The following PAPPA2 variants were observed in gnomAD, a reference collection of about 807,000 sequenced individuals.
PAPPA2 encodes the protein pappalysin-2.
PAPPA2 carries 86 observed loss-of-function variants against 176.4 expected under a neutral mutation model. The ratio of observed to expected loss-of-function variants is 0.49; its 90% CI spans 0.41 to 0.58. The LOEUF (loss-of-function observed/expected upper bound fraction) is 0.58. Ranked by LOEUF, PAPPA2 falls within the 20% of genes least tolerant of loss-of-function variation. PAPPA2 has a pLI of 0.00. For missense variants in PAPPA2, 2,073 were observed against 2,256.9 expected (o/e 0.92, Z 1.65); for synonymous variants, 809 against 852.2 (o/e 0.95, Z 0.88).
chr1:176,567,490 A>G (rs943868355), intron 2 of PAPPA2, among the ~76,000 whole-genome samples: 8 of 152,202 alleles, frequency 5.3e-5, no homozygotes, highest in African/African-American at 1.9e-4. Flanking sequence ...TAACTTTCCT[A>G]CAAATAATTG....
intron 17 of PAPPA2, 35 bp from the exon 18 acceptor site, chr1:176,789,774 T>C (rs746080914): frequency 6.3e-7 from 1 of 1,579,930 alleles, no homozygotes; most frequent in Non-Finnish European, 8.6e-7. Context: ...TCTTGAAAGA[T>C]TCTGATGAGC....
intron 14 of PAPPA2, among the ~76,000 whole-genome samples, chr1:176,748,617 C>T (rs1663026366): frequency 1.3e-5 from 2 of 152,056 alleles, no homozygotes; most frequent in African/African-American, 4.8e-5. Flanking sequence ...AATAAAATTA[C>T]AGTCATGTAC....
intron 22 of PAPPA2, 42 bp from the exon 23 acceptor site, chr1:176,842,338 T>G: frequency 6.5e-7 from 1 of 1,537,874 alleles, no homozygotes; most frequent in Non-Finnish European, 9.0e-7. Flanking sequence ...TGTGAAGCTA[T>G]CACAGAAATG....
Position 176,493,701 on chromosome 1 carries a change from G to C in PAPPA2, c.-917+30283G>C, listed in dbSNP as rs1309327519. On this transcript the variant is annotated intron_variant, in intron 1 of 22. Coordinates refer to ENST00000367662, the MANE Select transcript of PAPPA2 (RefSeq NM_020318.3). Reference sequence around the variant, plus strand: ...CCACAAAACCCAGTCTTCTTCTGGAGAGAAGAAAGTGAGAAGTGACAAGTG... The same window carrying C: ...CCACAAAACCCAGTCTTCTTCTGGACAGAAGAAAGTGAGAAGTGACAAGTG... Among the ~76,000 whole-genome samples the C allele has an allele frequency of 3.9e-5, 6 of 152,286 alleles. No individual in the cohort carries two copies. The South Asian group carries it at 1.0e-3, about 26-fold the overall frequency.
intron 4 of PAPPA2, among the ~76,000 whole-genome samples, chr1:176,676,938 G>A (rs1234285267): frequency 6.6e-6 from 1 of 152,010 alleles, no homozygotes; most frequent in Non-Finnish European, 1.5e-5. Flanking sequence ...GACTTATAAT[G>A]GAATTGCAAA....
intron 3 of PAPPA2, among the ~76,000 whole-genome samples, chr1:176,660,155 G>A (rs752867785): frequency 1.2e-4 from 18 of 152,046 alleles, no homozygotes; most frequent in Non-Finnish European, 2.6e-4. Context: ...CACTGATCCA[G>A]GACAGATCTA....
At chr1:176,534,420 A>G (rs16849943) in intron 1 of PAPPA2, among the ~76,000 whole-genome samples, 82 of 152,332 alleles carry the variant, frequency 5.4e-4, no homozygotes, top group Non-Finnish European at 8.7e-4. Flanking sequence ...TCAGCAAGAC[A>G]GTGGTTAAAA....
intron 21 of PAPPA2, among the ~76,000 whole-genome samples, chr1:176,820,604 G>A (rs561115251): frequency 6.6e-6 from 1 of 152,250 alleles, no homozygotes; most frequent in African/African-American, 2.4e-5. Context: ...CACATGTCAT[G>A]CATGGCATTT....
chr1:176,800,514 T>A (rs1330990517), intron 21 of PAPPA2, among the ~76,000 whole-genome samples: 1 of 152,208 alleles, frequency 6.6e-6, no homozygotes, highest in African/African-American at 2.4e-5. Flanking sequence ...AATTTTCTTT[T>A]TGGTTGCCAA....
intron 3 of PAPPA2, among the ~76,000 whole-genome samples, chr1:176,640,497 C>T (rs1311966642): frequency 2.0e-5 from 3 of 151,966 alleles, no homozygotes; most frequent in African/African-American, 7.2e-5. Flanking sequence ...CCAATTTCAT[C>T]CATGTCCCTA....
intron 7 of PAPPA2, 49 bp downstream of exon 7, chr1:176,695,908 TG>T: frequency 6.2e-7 from 1 of 1,602,400 alleles, no homozygotes. Flanking sequence ...CCACTGAGGA[TG>T]GGGGTGGAGG....
intron 8 of PAPPA2, 129 bp downstream of exon 8, chr1:176,699,718 T>C: frequency 7.1e-7 from 1 of 1,412,692 alleles, no homozygotes; most frequent in Non-Finnish European, 9.5e-7. Flanking sequence ...GAGGGGATTT[T>C]ACCGTAAAGT....
intron 3 of PAPPA2, among the ~76,000 whole-genome samples, chr1:176,599,483 AC>A (rs1654181325): frequency 7.5e-6 from 1 of 132,492 alleles, no homozygotes. Flanking sequence ...TTTCTCTCCT[AC>A]GTTCTCTTTG....
intron 4 of PAPPA2, among the ~76,000 whole-genome samples, chr1:176,687,703 A>C (rs930825089): frequency 5.9e-5 from 9 of 152,128 alleles, no homozygotes; most frequent in Non-Finnish European, 1.3e-4. Flanking sequence ...ATGTTTGCTC[A>C]GAGCTGAAAT....
chr1:176,588,485 A>G (rs1338552734), intron 2 of PAPPA2, among the ~76,000 whole-genome samples: 2 of 152,186 alleles, frequency 1.3e-5, no homozygotes, highest in Non-Finnish European at 2.9e-5. Context: ...CACTGGAAAA[A>G]GACTTATTTC....
chr1:176,796,170 G>C (rs1451030213), intron 20 of PAPPA2, among the ~76,000 whole-genome samples: 4 of 152,118 alleles, frequency 2.6e-5, no homozygotes, highest in Non-Finnish European at 5.9e-5. Context: ...GTCATGGAAA[G>C]GTCTTCTTTT....
intron 1 of PAPPA2, among the ~76,000 whole-genome samples, chr1:176,543,273 G>C (rs1274940686): frequency 1.3e-5 from 2 of 152,096 alleles, no homozygotes; most frequent in Non-Finnish European, 2.9e-5. Flanking sequence ...AAGTGCTGCT[G>C]TCCTGTCCAT....
intron 17 of PAPPA2, among the ~76,000 whole-genome samples, chr1:176,775,379 G>A (rs1236172757): frequency 6.6e-6 from 1 of 152,034 alleles, no homozygotes; most frequent in Non-Finnish European, 1.5e-5. Context: ...AGAGATCCCT[G>A]TTTCAAATGC....
intron 1 of PAPPA2, among the ~76,000 whole-genome samples, chr1:176,504,328 G>A (rs1648127845): frequency 1.3e-5 from 2 of 151,956 alleles, no homozygotes; most frequent in South Asian, 4.1e-4. Context: ...TATTTCAGAG[G>A]CATCAATTTT....
Sources: allele counts gnomAD v4.1 joint callset (sites outside exome capture counted in the v4.1 genomes callset), GRCh38; gene constraint gnomAD v4.1.1; transcripts MANE v1.5; gene names NCBI Gene and HGNC (gene_info 2026-07-23, HGNC 2026-07-21).